The following LRRC1 variants were observed in gnomAD, a reference collection of about 807,000 sequenced individuals.
LRRC1 encodes the protein leucine-rich repeat-containing protein 1.
LRRC1 carries 28 observed loss-of-function variants against 69.9 expected under a neutral mutation model. That is an observed-to-expected ratio of 0.40 (90% CI 0.30 to 0.55). The LOEUF (loss-of-function observed/expected upper bound fraction) is 0.55, where lower values mean the gene tolerates loss of function less well. Among genes scored for constraint, LRRC1 ranks in the 20% least tolerant of loss-of-function variants. The probability of loss-of-function intolerance (pLI) is 0.47; values close to 1 mark genes in which losing one functional copy is unlikely to be tolerated. For missense variants in LRRC1, 498 were observed against 609.0 expected (o/e 0.82, Z 1.92); for synonymous variants, 236 against 240.2 (o/e 0.98, Z 0.16).
chr6:53,902,332 C>A (rs181533985), intron 8 of LRRC1, among the ~76,000 whole-genome samples: 1 of 152,090 alleles, frequency 6.6e-6, no homozygotes, highest in African/African-American at 2.4e-5. Context: ...AACACCTCCA[C>A]GGAGAGAAAG....
At position 53,795,325 on chromosome 6, in the gene LRRC1, G is replaced by T. The variant is rs560463278; in HGVS notation, c.69G>T (p.Ser23=). The T allele has an allele frequency of 9.9e-6, 16 of 1,613,638 alleles. No individual in the cohort carries two copies. The highest frequency in any genetic ancestry group is 1.3e-5 in the Non-Finnish European group (15 of 1,179,938). The change falls in exon 1 of 14, where the codon TCG becomes TCT. Residue 23 remains serine, a synonymous_variant. Transcript: ENST00000370888. ...HVESIDKRHC[S]LVYVPEEIYR... ...AGAGCATCGACAAGCGCCACTGCTCGCTGGTCTACGTCCCCGAGGAGATCT... is the reference window on the plus strand; with the variant it reads ...AGAGCATCGACAAGCGCCACTGCTCTCTGGTCTACGTCCCCGAGGAGATCT...
At position 53,912,143 on chromosome 6, in the gene LRRC1, C is replaced by T. The variant is rs183669709; in HGVS notation, c.991-1711C>T. Among the ~76,000 whole-genome samples the T allele has an allele frequency of 6.2e-3, 951 of 152,200 alleles. 8 individuals carry two copies. Among genetic ancestry groups the T allele is most frequent in the African/African-American group, 0.022 (902 of 41,500 alleles). On this transcript the variant is annotated intron_variant, in intron 10 of 13. Transcript: ENST00000370888. ...GAGGCTATGCATGGTGGGTAGATAG[C>T]GTGAATACTATACTTGCCAAGTACC... is the stretch of plus-strand genomic sequence containing the variant.
At chr6:53,830,944 A>AGTT (rs199784563) in intron 1 of LRRC1, among the ~76,000 whole-genome samples, 2 of 146,222 alleles carry the variant, frequency 1.4e-5, no homozygotes, top group African/African-American at 5.0e-5. Flanking sequence ...TAGTTATTAT[A>AGTT]ATTTTATATA....
chr6:53,795,348 T>C lies in LRRC1; in HGVS notation c.92T>C (p.Ile31Thr). 1 of 1,613,688 alleles carries C rather than the reference T, an allele frequency of 6.2e-7. No individual in the cohort carries two copies. Among genetic ancestry groups the C allele is most frequent in the South Asian group, 1.1e-5 (1 of 91,060 alleles). ...TCGCTGGTCTACGTCCCCGAGGAGA[T>C]CTACCGCTATGCCCGGAGCCTGGAG... ...HCSLVYVPEE[I>T]YRYARSLEEL... The change falls in exon 1 of 14, where the codon ATC becomes ACC. Residue 31 changes from isoleucine (I) to threonine (T), a missense_variant. Around this residue, in one of 3 missense-constraint regions of LRRC1, gnomAD observed 70 missense variants for 62.1 expected, o/e 1.13. Coordinates refer to ENST00000370888, the MANE Select transcript of LRRC1 (RefSeq NM_018214.5).
At chr6:53,885,457 A>C (rs534039254) in intron 4 of LRRC1, among the ~76,000 whole-genome samples, 182 of 152,342 alleles carry the variant, frequency 1.2e-3, no homozygotes, top group Non-Finnish European at 2.0e-3. Flanking sequence ...TTAATATTCC[A>C]CAAAATTTGA....
chr6:53,874,764 C>T (rs776088087), intron 2 of LRRC1, among the ~76,000 whole-genome samples: 1 of 152,148 alleles, frequency 6.6e-6, no homozygotes, highest in Non-Finnish European at 1.5e-5. Context: ...CTATTTTAGC[C>T]ATTCTCAATG....
intron 1 of LRRC1, among the ~76,000 whole-genome samples, 195 bp from the exon 2 acceptor site, chr6:53,841,915 C>A (rs143346195): frequency 2.2e-4 from 34 of 152,204 alleles, no homozygotes; most frequent in Non-Finnish European, 3.7e-4. Context: ...AAAAATAGTA[C>A]TGAGAGGTTC....
At chr6:53,831,494 T>G (rs954620437) in intron 1 of LRRC1, among the ~76,000 whole-genome samples, 1 of 152,158 alleles carries the variant, frequency 6.6e-6, no homozygotes, top group African/African-American at 2.4e-5. Context: ...ATTGCTGGGC[T>G]TAATCCATCT....
intron 2 of LRRC1, among the ~76,000 whole-genome samples, chr6:53,873,586 A>AC (rs1766970626): frequency 6.6e-6 from 1 of 151,912 alleles, no homozygotes; most frequent in Non-Finnish European, 1.5e-5. Flanking sequence ...GGCGCGAGCC[A>AC]CCATGCCCGG....
At chr6:53,908,872 T>G (rs1768322782) in intron 10 of LRRC1, among the ~76,000 whole-genome samples, 2 of 152,174 alleles carry the variant, frequency 1.3e-5, no homozygotes, top group South Asian at 4.1e-4. Context: ...AAATGGCAAC[T>G]AATGTGAAAC....
At chr6:53,912,672 T>C (rs963087844) in intron 10 of LRRC1, among the ~76,000 whole-genome samples, 1 of 152,250 alleles carries the variant, frequency 6.6e-6, no homozygotes, top group African/African-American at 2.4e-5. Flanking sequence ...AAAGTAATTA[T>C]GTAGCCATTC....
intron 1 of LRRC1, among the ~76,000 whole-genome samples, chr6:53,815,566 CT>C (rs1281280253): frequency 6.6e-6 from 1 of 152,206 alleles, no homozygotes; most frequent in African/African-American, 2.4e-5. Flanking sequence ...CAGTCCTCTC[CT>C]CTTAGCTTAT....
intron 8 of LRRC1, among the ~76,000 whole-genome samples, chr6:53,900,878 CT>C (rs1485118021): frequency 2.0e-5 from 3 of 152,152 alleles, no homozygotes; most frequent in Non-Finnish European, 4.4e-5. Flanking sequence ...GGATTGCTGT[CT>C]TTAATTTTAT....
intron 2 of LRRC1, among the ~76,000 whole-genome samples, chr6:53,859,790 TA>T (rs1000257991): frequency 8.4e-4 from 128 of 151,736 alleles, no homozygotes; most frequent in Middle Eastern, 3.4e-3. Flanking sequence ...GCTTTATAAT[TA>T]AAAAAAAATC....
At chr6:53,815,943 A>C (rs989036351) in intron 1 of LRRC1, among the ~76,000 whole-genome samples, 1 of 152,246 alleles carries the variant, frequency 6.6e-6, no homozygotes, top group African/African-American at 2.4e-5. Context: ...CCAGGATATA[A>C]GTAGGTTTAA....
Position 53,897,278 on chromosome 6 carries a change from GT to G in LRRC1, c.568-3del. ...TGTTACCGTAACTTTTTTTTCTTTT[GT>G]TTTAGCCAGAATCAATTGGAGCCCT... On this transcript the variant is annotated splice_polypyrimidine_tract_variant and splice_region_variant and intron_variant, in intron 6 of 13. Transcript: ENST00000370888. 1 of 1,593,614 alleles carries G rather than the reference GT, an allele frequency of 6.3e-7. No individual in the cohort carries two copies. Among genetic ancestry groups the G allele is most frequent in the Non-Finnish European group, 8.6e-7 (1 of 1,168,720 alleles).
intron 1 of LRRC1, among the ~76,000 whole-genome samples, chr6:53,835,621 A>G (rs1435576255): frequency 6.6e-6 from 1 of 152,150 alleles, no homozygotes; most frequent in Admixed American, 6.5e-5. Context: ...CTTTAACCAA[A>G]CTAGTTCTTT....
intron 7 of LRRC1, among the ~76,000 whole-genome samples, chr6:53,898,582 A>G (rs1767946963): frequency 6.6e-6 from 1 of 152,256 alleles, no homozygotes; most frequent in African/African-American, 2.4e-5. Flanking sequence ...CCTATAGTAT[A>G]AATTTGTGTT....
chr6:53,825,408 G>A (rs1260720566), intron 1 of LRRC1, among the ~76,000 whole-genome samples: 1 of 152,182 alleles, frequency 6.6e-6, no homozygotes, highest in Non-Finnish European at 1.5e-5. Flanking sequence ...CTAGACCAAG[G>A]AGACTGGGGC....
Sources: gnomAD v4.1 joint callset for allele counts (sites outside exome capture counted in the v4.1 genomes callset) on GRCh38, gnomAD v4.1.1 for gene constraint, gnomAD v4.1.1 regional missense constraint, MANE v1.5 for transcripts, NCBI Gene and HGNC (gene_info 2026-07-23, HGNC 2026-07-21) for gene names.